FGD3: variants seen among roughly 807,000 people sequenced by gnomAD.
The protein encoded by FGD3 is FYVE, RhoGEF and PH domain containing 3, also known as FYVE, RhoGEF and PH domain-containing protein 3.
A neutral mutation model predicts 71.8 loss-of-function variants in FGD3; 45 were observed. That is an observed-to-expected ratio of 0.63 (90% confidence interval 0.49 to 0.80). The LOEUF (loss-of-function observed/expected upper bound fraction) is 0.80, where lower values mean the gene tolerates loss of function less well. Ranked by LOEUF, FGD3 falls within the 30% of genes least tolerant of loss-of-function variation. The pLI, the probability that FGD3 is intolerant of heterozygous loss-of-function variation, is 0.00. For synonymous variants in FGD3, 378 were observed against 392.8 expected (o/e 0.96, Z 0.44); for missense variants, 844 against 951.5 (o/e 0.89, Z 1.49).
At chr9:92,959,379 C>A (rs985315942) in intron 1 of FGD3, among the ~76,000 whole-genome samples, 3 of 151,832 alleles carry the variant, frequency 2.0e-5, no homozygotes, top group African/African-American at 7.3e-5. Context: ...ATTGGTTGAA[C>A]TAGTTCTCTG....
chr9:92,992,447 G>A (rs949161352), intron 3 of FGD3, among the ~76,000 whole-genome samples: 1 of 152,210 alleles, frequency 6.6e-6, no homozygotes, highest in African/African-American at 2.4e-5. Flanking sequence ...GATTTTGCTT[G>A]TTGGTTAAAG....
rs551907562 is a variant in FGD3 at position 92,998,311 on chromosome 9, C to G, written c.454-4614C>G. 5.3e-5 allele frequency among the ~76,000 whole-genome samples: 8 copies of G among 152,302 alleles called. No homozygotes were observed. In the South Asian group the frequency reaches 1.7e-3, roughly 32 times the overall value. On this transcript the variant is annotated intron_variant, in intron 3 of 17. Coordinates refer to ENST00000375482, the MANE Select transcript of FGD3 (RefSeq NM_001083536.2). ...CACGTAGTTCTCCTGCCATGGTTTT[C>G]AGCTCCATCAGGTCATTTAAGGACT...
At chr9:92,975,828 G>C (rs1432408774) in intron 2 of FGD3, among the ~76,000 whole-genome samples, 1 of 152,156 alleles carries the variant, frequency 6.6e-6, no homozygotes, top group Non-Finnish European at 1.5e-5. Flanking sequence ...GGGAGTATCA[G>C]AGGATTGAAA....
In FGD3 at chr9:93,006,105, T is replaced by C; in HGVS notation, c.762T>C (p.Phe254=). 1 of 1,613,406 alleles carries C rather than the reference T, an allele frequency of 6.2e-7. No homozygotes were observed. The highest frequency in any genetic ancestry group is 8.5e-7 in the Non-Finnish European group (1 of 1,179,716). ...LKMYGEYVKN[F]DRAVGLVSTW... ...TGTACGGCGAGTATGTCAAGAACTT[T>C]GACCGAGCCGTAGGGCTGGTGAGCA... Residue 254 remains phenylalanine (F), a synonymous_variant, in exon 6 of 18, where the codon TTT becomes TTC. Transcript: ENST00000375482.
At position 93,003,575 on chromosome 9, in the gene FGD3, G is replaced by A. The variant is rs138311603; in HGVS notation, c.544-426G>A. ...TTTTCTGCATAAGTACTTGGGACAGGGTTTGCCACTCATCTCTATCCACAT... is the reference window on the plus strand; with the variant it reads ...TTTTCTGCATAAGTACTTGGGACAGAGTTTGCCACTCATCTCTATCCACAT... On this transcript the variant is annotated intron_variant, in intron 4 of 17. Transcript: ENST00000375482. This position sits in a 1 kb window ranked among gnomAD's most constrained non-coding sequence, Gnocchi z 4.1. Among the ~76,000 whole-genome samples the A allele has an allele frequency of 3.3e-5, 5 of 152,322 alleles. No individual in the cohort carries two copies. The East Asian group carries it at 7.7e-4, about 23-fold the overall frequency.
At chr9:92,954,690 G>A (rs1859016833) in intron 1 of FGD3, among the ~76,000 whole-genome samples, 1 of 152,140 alleles carries the variant, frequency 6.6e-6, no homozygotes, top group South Asian at 2.1e-4. Flanking sequence ...ACCGCACTTT[G>A]GCCTCTCTGA....
chr9:92,980,676 G>A (rs576462077), intron 3 of FGD3, among the ~76,000 whole-genome samples: 39 of 151,918 alleles, frequency 2.6e-4, no homozygotes, highest in African/African-American at 9.2e-4. Context: ...GGTTGTTTAA[G>A]AATGTGTTGT....
At chr9:92,992,207 GT>G (rs1374414083) in intron 3 of FGD3, among the ~76,000 whole-genome samples, 6 of 152,138 alleles carry the variant, frequency 3.9e-5, no homozygotes, top group African/African-American at 1.2e-4. Flanking sequence ...TGTTCTGGTT[GT>G]TTTGTATATC....
chr9:93,021,775 G>GT (rs1861928926), intron 13 of FGD3, among the ~76,000 whole-genome samples: 1 of 152,196 alleles, frequency 6.6e-6, no homozygotes, highest in Non-Finnish European at 1.5e-5. Flanking sequence ...AGTCCGCTAG[G>GT]TTTTTTCTGC....
intron 15 of FGD3, 46 bp from the exon 16 acceptor site, chr9:93,032,723 C>T (rs754893554): frequency 5.7e-6 from 9 of 1,577,998 alleles, no homozygotes; most frequent in Non-Finnish European, 7.8e-6. Context: ...CCTGGATAAT[C>T]CTCTGTCCCA....
intron 14 of FGD3, 150 bp downstream of exon 14, chr9:93,022,539 G>A: frequency 1.4e-6 from 1 of 737,446 alleles, no homozygotes; most frequent in Admixed American, 2.8e-5. Context: ...TGCTCACTGT[G>A]ACTGGGGGCC....
chr9:92,976,983 C>G (rs546033189), intron 3 of FGD3, among the ~76,000 whole-genome samples: 2 of 152,206 alleles, frequency 1.3e-5, no homozygotes. Context: ...ACCTCCCGAC[C>G]CTGGGAAGGT....
chr9:92,961,403 A>G (rs541774148), intron 1 of FGD3, among the ~76,000 whole-genome samples: 8 of 152,286 alleles, frequency 5.3e-5, no homozygotes, highest in Non-Finnish European at 1.0e-4. Flanking sequence ...GGAGCCCTCC[A>G]TGGTCACCAG....
intron 3 of FGD3, among the ~76,000 whole-genome samples, chr9:92,980,468 C>A (rs1859945417): frequency 6.6e-6 from 1 of 152,022 alleles, no homozygotes; most frequent in East Asian, 1.9e-4. Context: ...TAGGTCTGAT[C>A]TTTATTACTT....
At chr9:93,010,510 A>G (rs1445958994) in intron 7 of FGD3, 126 bp downstream of exon 7, 1 of 1,010,094 alleles carries the variant, frequency 9.9e-7, no homozygotes, top group Non-Finnish European at 1.3e-6. Context: ...CAGAGAGACC[A>G]GAGGGAAAGA....
intron 3 of FGD3, among the ~76,000 whole-genome samples, chr9:92,979,367 A>C (rs144430938): frequency 6.6e-6 from 1 of 152,224 alleles, no homozygotes; most frequent in African/African-American, 2.4e-5. Flanking sequence ...TGAGATGATC[A>C]TGTGGCTTTT....
chr9:93,010,611 CAG>C (rs1275871283), intron 7 of FGD3, among the ~76,000 whole-genome samples: 3 of 135,560 alleles, frequency 2.2e-5, no homozygotes, highest in Non-Finnish European at 3.1e-5. Flanking sequence ...GAGGGAGAAA[CAG>C]AGGGGAGGAG....
chr9:92,964,078 CT>C (rs1166463376), intron 1 of FGD3: 1 of 152,446 alleles, frequency 6.6e-6, no homozygotes, highest in Admixed American at 6.6e-5. Context: ...CCCTGTTAAC[CT>C]TTAAACCAGC....
Position 93,003,980 on chromosome 9 carries a change from C to CG in FGD3, c.544-20dup. ...CAGTGGAAGAGGCTCACTGGCCACA[C>CG]GTGGGCTTCTCTATGCTCAGGTTTT... On this transcript the variant is annotated intron_variant, in intron 4 of 17. Transcript: ENST00000375482. The surrounding 1 kb of genome is among the most constrained non-coding windows in gnomAD (Gnocchi z 4.1). 6.2e-7 allele frequency: 1 copy of CG among 1,613,654 alleles called. No individual in the cohort carries two copies. Among genetic ancestry groups the CG allele is most frequent in the South Asian group, 1.1e-5 (1 of 91,082 alleles).
Sources: allele counts gnomAD v4.1 joint callset (sites outside exome capture counted in the v4.1 genomes callset), GRCh38; gene constraint gnomAD v4.1.1; non-coding constraint Gnocchi (gnomAD v3.1); transcripts MANE v1.5; gene names NCBI Gene and HGNC (gene_info 2026-07-23, HGNC 2026-07-21).